Variants in WDR27 observed in about 807,000 individuals in gnomAD.
WDR27 encodes WD repeat-containing protein 27.
Under a neutral mutation model 114.4 loss-of-function variants are expected in WDR27, and 100 were observed. That is an observed-to-expected ratio of 0.87 (90% confidence interval 0.74 to 1.03). The LOEUF (loss-of-function observed/expected upper bound fraction) is 1.03. Ranked by LOEUF, WDR27 falls within the 50% of genes least tolerant of loss-of-function variation. The pLI is 0.00. For synonymous variants in WDR27, 449 were observed against 423.1 expected (o/e 1.06, Z -0.75); for missense variants, 1,129 against 1,092.9 (o/e 1.03, Z -0.47).
intron 6 of WDR27, 96 bp downstream of exon 6, chr6:169,667,040 G>C (rs534887662): frequency 7.4e-7 from 1 of 1,355,060 alleles, no homozygotes; most frequent in Non-Finnish European, 9.5e-7. Context: ...AGATCCACTC[G>C]AATGTCCCAG....
At chr6:169,641,041 A>G (rs1332258473) in intron 17 of WDR27, among the ~76,000 whole-genome samples, 1 of 152,172 alleles carries the variant, frequency 6.6e-6, no homozygotes, top group Non-Finnish European at 1.5e-5. Flanking sequence ...CGTTTGCTGC[A>G]CGTCCAGTGG....
intron 25 of WDR27, among the ~76,000 whole-genome samples, chr6:169,561,563 G>C (rs1449228460): frequency 6.6e-6 from 1 of 151,048 alleles, no homozygotes; most frequent in African/African-American, 2.4e-5. Flanking sequence ...ACTAAACAAA[G>C]AGTTACACCT....
chr6:169,534,919 T>C (rs1239172873), intron 25 of WDR27, among the ~76,000 whole-genome samples: 2 of 151,868 alleles, frequency 1.3e-5, no homozygotes, highest in African/African-American at 4.8e-5. Flanking sequence ...GTATGAAAAA[T>C]ACCTATGGAT....
intron 25 of WDR27, among the ~76,000 whole-genome samples, chr6:169,564,983 C>T (rs970388967): frequency 6.6e-6 from 1 of 152,170 alleles, no homozygotes; most frequent in African/African-American, 2.4e-5. Context: ...ACACGAGAGC[C>T]GGGGAGACCC....
chr6:169,512,497 G>A (rs964046499), intron 25 of WDR27, among the ~76,000 whole-genome samples: 2 of 152,154 alleles, frequency 1.3e-5, no homozygotes, highest in Non-Finnish European at 1.5e-5. Context: ...ACTTTAATTT[G>A]TAATGTTAAT....
intron 25 of WDR27, among the ~76,000 whole-genome samples, chr6:169,529,009 G>A (rs764971651): frequency 9.9e-5 from 15 of 152,116 alleles, no homozygotes; most frequent in Non-Finnish European, 1.9e-4. Context: ...ACTCACCCTA[G>A]TATGAAAATG....
intron 1 of WDR27, among the ~76,000 whole-genome samples, chr6:169,693,546 T>G (rs532346221): frequency 1.3e-5 from 2 of 152,036 alleles, no homozygotes; most frequent in Non-Finnish European, 2.9e-5. Flanking sequence ...AATGGCAGAA[T>G]GGATAAAAAT....
In WDR27 at chr6:169,636,469, T is replaced by C; in HGVS notation, c.1905A>G (p.Ala635=). ...TAAAGGCATCTATATAATAGAACTG[T>C]GCAGACTGTATAGGTTTAGAAAACA... is the stretch of plus-strand genomic sequence containing the variant. The part of the protein sequence containing the change: ...KDMFSKPIQS[A]QFYYIDAFIL... The change falls in exon 19 of 26, where the codon GCA becomes GCG. Residue 635 remains alanine, a synonymous_variant. Transcript: ENST00000448612. The C allele has an allele frequency of 6.2e-7, 1 of 1,613,842 alleles. No individual in the cohort carries two copies. Among genetic ancestry groups the C allele is most frequent in the African/African-American group, 1.3e-5 (1 of 75,054 alleles).
intron 1 of WDR27, among the ~76,000 whole-genome samples, chr6:169,695,640 A>G (rs1470168308): frequency 1.3e-5 from 2 of 152,140 alleles, no homozygotes; most frequent in Admixed American, 6.5e-5. Context: ...TGAGGAGTCT[A>G]AATACCCCGG....
In WDR27 at chr6:169,658,107, A is replaced by G. The variant is rs192407484; in HGVS notation, c.1402+169T>C. On this transcript the variant is annotated intron_variant, in intron 13 of 25. Coordinates refer to ENST00000448612, the MANE Select transcript of WDR27 (RefSeq NM_182552.5). ...AAGCACCCAGCAAGTTCCCCACCACAGCGGACATGGAACACGCACGAGAGG... is the reference window on the plus strand; with the variant it reads ...AAGCACCCAGCAAGTTCCCCACCACGGCGGACATGGAACACGCACGAGAGG... 6.4e-3 allele frequency: 3,755 copies of G among 587,364 alleles called. 20 individuals are homozygous for G. Among genetic ancestry groups the G allele is most frequent in the Non-Finnish European group, 9.5e-3 (3,067 of 322,122 alleles). 36.4% of individuals were successfully genotyped at this position (587,364 alleles called of 1,614,324 possible). A position where few individuals can be genotyped will look rare whatever the true frequency, so the allele number is the denominator to read the frequency against.
chr6:169,608,877 A>G (rs1410958815), intron 22 of WDR27, among the ~76,000 whole-genome samples: 1 of 152,236 alleles, frequency 6.6e-6, no homozygotes, highest in East Asian at 1.9e-4. Flanking sequence ...TAATATCAAA[A>G]GCAAGCTAGT....
intron 13 of WDR27, among the ~76,000 whole-genome samples, chr6:169,657,414 C>G (rs1824526734): frequency 6.6e-6 from 1 of 152,198 alleles, no homozygotes; most frequent in Non-Finnish European, 1.5e-5. Context: ...CCAGCCTAGC[C>G]GAGCCCGGCC....
At chr6:169,566,647 G>T (rs1256273652) in intron 25 of WDR27, among the ~76,000 whole-genome samples, 1 of 142,366 alleles carries the variant, frequency 7.0e-6, no homozygotes, top group African/African-American at 2.7e-5. Context: ...TTCGGGGCCT[G>T]TTGGAGTTGA....
intron 21 of WDR27, among the ~76,000 whole-genome samples, chr6:169,615,319 TCA>T (rs1465857300): frequency 1.3e-5 from 2 of 152,128 alleles, no homozygotes; most frequent in Non-Finnish European, 2.9e-5. Context: ...GATTATGTCA[TCA>T]CCCCGATACT....
chr6:169,649,832 C>T (rs1345552101), intron 14 of WDR27, among the ~76,000 whole-genome samples: 1 of 149,316 alleles, frequency 6.7e-6, no homozygotes, highest in African/African-American at 2.5e-5. Flanking sequence ...ATCCATCTCT[C>T]ATCTCTCTCC....
intron 25 of WDR27, among the ~76,000 whole-genome samples, chr6:169,500,766 G>A (rs2115479192): frequency 6.6e-6 from 1 of 152,326 alleles, no homozygotes; most frequent in African/African-American, 2.4e-5. Flanking sequence ...GACACAGTTA[G>A]TGCTATTCTT....
intron 25 of WDR27, among the ~76,000 whole-genome samples, chr6:169,503,012 A>G (rs1322293557): frequency 6.6e-6 from 1 of 152,190 alleles, no homozygotes; most frequent in Admixed American, 6.5e-5. Context: ...ATAGAGGAAG[A>G]TGAGGTGACC....
rs577051595 is a variant in WDR27 at position 169,471,820 on chromosome 6, C to T, written c.2646-14186G>A. Among the ~76,000 whole-genome samples, 172 of 152,288 alleles carry T rather than the reference C, an allele frequency of 1.1e-3. No individual in the cohort carries two copies. The Middle Eastern group carries it at 0.02, about 18-fold the overall frequency. On this transcript the variant is annotated intron_variant, in intron 25 of 25. Transcript: ENST00000448612. ...TAAACAACAGAAATGTATTGCTCAG[C>T]TCTGGAGGTTGGGAAGTCCAAGATC...
At chr6:169,449,860 G>C in the WDR27 span, among the ~76,000 whole-genome samples, 1 of 152,294 alleles carries the variant, frequency 6.6e-6, no homozygotes, top group African/African-American at 2.4e-5. Context: ...GAGAAATACA[G>C]AAGGGAGAGC....
Sources: allele counts gnomAD v4.1 joint callset (sites outside exome capture counted in the v4.1 genomes callset), GRCh38; gene constraint gnomAD v4.1.1; transcripts MANE v1.5; gene names NCBI Gene and HGNC (gene_info 2026-07-23, HGNC 2026-07-21).